The following NCAM2 variants were observed in gnomAD, a reference collection of about 807,000 sequenced individuals.
The protein encoded by NCAM2 is N-CAM-2.
Under a neutral mutation model 98.1 loss-of-function variants are expected in NCAM2, and 30 were observed. That is an observed-to-expected ratio of 0.31 (90% confidence interval 0.23 to 0.41). NCAM2 has a LOEUF of 0.41. Among genes scored for constraint, NCAM2 ranks in the 10% least tolerant of loss-of-function variants. NCAM2 has a pLI of 1.00. For missense variants in NCAM2, 867 were observed against 1,005.8 expected (o/e 0.86, Z 1.87); for synonymous variants, 368 against 342.4 (o/e 1.07, Z -0.83).
At chr21:21,374,129 G>T in intron 9 of NCAM2, 116 bp downstream of exon 9, 1 of 890,816 alleles carries the variant, frequency 1.1e-6, no homozygotes, top group South Asian at 2.0e-5. Context: ...TTAATGCATA[G>T]CTTTAGAGGA....
rs138070506 is a variant in NCAM2 at position 21,104,207 on chromosome 21, T to C, written c.55+105589T>C. Among the ~76,000 whole-genome samples, 610 of 152,256 alleles carry C rather than the reference T, an allele frequency of 4.0e-3. 6 individuals are homozygous for C. Among genetic ancestry groups the C allele is most frequent in the African/African-American group, 0.014 (570 of 41,560 alleles). ...TGACATGTTATCTTTTCAGTAAATG[T>C]TGTCCTCCCTTCTCCTCCTCCTCAC... On this transcript the variant is annotated intron_variant, in intron 1 of 17. Coordinates refer to ENST00000400546, the MANE Select transcript of NCAM2 (RefSeq NM_004540.5).
At chr21:21,041,045 G>C (rs1002495210) in intron 1 of NCAM2, among the ~76,000 whole-genome samples, 2 of 151,782 alleles carry the variant, frequency 1.3e-5, no homozygotes, top group African/African-American at 4.8e-5. Context: ...CCATAAATAT[G>C]GACAATTATT....
At position 21,150,346 on chromosome 21, in the gene NCAM2, C is replaced by G. The variant is rs76745049; in HGVS notation, c.56-130232C>G. 6.9e-3 allele frequency among the ~76,000 whole-genome samples: 1,052 copies of G among 151,956 alleles called. 7 individuals are homozygous for G. Among genetic ancestry groups the G allele is most frequent in the East Asian group, 0.04 (208 of 5,168 alleles). On this transcript the variant is annotated intron_variant, in intron 1 of 17. Coordinates refer to ENST00000400546, the MANE Select transcript of NCAM2 (RefSeq NM_004540.5). ...TATACTTTTTTCTTTGTTTTCTTGC[C>G]TAGTCTGCTGCCTAGGGATTCCAGA...
At chr21:21,000,336 C>T (rs1277060590) in intron 1 of NCAM2, among the ~76,000 whole-genome samples, 1 of 152,102 alleles carries the variant, frequency 6.6e-6, no homozygotes, top group Admixed American at 6.5e-5. Flanking sequence ...TTTATGCAGA[C>T]TTAGGATTAC....
At chr21:21,096,674 T>G (rs918886959) in intron 1 of NCAM2, among the ~76,000 whole-genome samples, 1 of 151,782 alleles carries the variant, frequency 6.6e-6, no homozygotes, top group African/African-American at 2.4e-5. Flanking sequence ...TTTCTAAGTT[T>G]GGATCAGCTT....
At chr21:21,244,415 C>A (rs1344415764) in intron 1 of NCAM2, among the ~76,000 whole-genome samples, 1 of 152,068 alleles carries the variant, frequency 6.6e-6, no homozygotes, top group Admixed American at 6.5e-5. Flanking sequence ...TACCTTGGTG[C>A]CTTTCCTTCT....
chr21:21,349,303 A>G (rs900859370), intron 8 of NCAM2, among the ~76,000 whole-genome samples: 11 of 152,162 alleles, frequency 7.2e-5, no homozygotes, highest in African/African-American at 2.7e-4. Flanking sequence ...AAGATACACA[A>G]ATGGCAAACA....
At chr21:21,233,462 T>C (rs1026578774) in intron 1 of NCAM2, among the ~76,000 whole-genome samples, 1 of 151,700 alleles carries the variant, frequency 6.6e-6, no homozygotes, top group African/African-American at 2.4e-5. Flanking sequence ...AATAGAGTAT[T>C]TTTAATTTGA....
At chr21:21,253,223 T>C (rs558987707) in intron 1 of NCAM2, among the ~76,000 whole-genome samples, 4 of 152,314 alleles carry the variant, frequency 2.6e-5, no homozygotes, top group South Asian at 4.1e-4. Context: ...ATGTTTCAAG[T>C]TTCCTACGAA....
intron 15 of NCAM2, among the ~76,000 whole-genome samples, chr21:21,499,854 A>C (rs948602077): frequency 1.3e-5 from 2 of 152,194 alleles, no homozygotes; most frequent in African/African-American, 4.8e-5. Context: ...TATTATTTAG[A>C]TATTTCCAAT....
chr21:21,264,990 G>GTATATATACACATACACATATATAATA (rs1203072126), intron 1 of NCAM2, among the ~76,000 whole-genome samples: 1 of 81,758 alleles, frequency 1.2e-5, no homozygotes, highest in Non-Finnish European at 2.4e-5. Flanking sequence ...TTATATATGT[G>GTATATATACACATACACATATATAATA]TATGTGTATA....
At chr21:21,096,081 C>T (rs994102622) in intron 1 of NCAM2, among the ~76,000 whole-genome samples, 2 of 151,610 alleles carry the variant, frequency 1.3e-5, no homozygotes, top group African/African-American at 4.8e-5. Context: ...TTTATTTTGT[C>T]TTTGTCTTTC....
At chr21:21,468,913 C>T (rs1351392029) in intron 14 of NCAM2, 130 bp downstream of exon 14, 1 of 779,270 alleles carries the variant, frequency 1.3e-6, no homozygotes, top group East Asian at 3.0e-5. Context: ...ATCTTCCTTC[C>T]ATTCCTGACA....
At chr21:21,518,428 T>C (rs1463089386) in intron 16 of NCAM2, among the ~76,000 whole-genome samples, 1 of 152,134 alleles carries the variant, frequency 6.6e-6, no homozygotes, top group Non-Finnish European at 1.5e-5. Context: ...ATAAGAGACA[T>C]GGTAAATACA....
intron 9 of NCAM2, among the ~76,000 whole-genome samples, chr21:21,385,069 T>C (rs1324473812): frequency 6.6e-6 from 1 of 152,070 alleles, no homozygotes; most frequent in Non-Finnish European, 1.5e-5. Context: ...TTAATTCCCT[T>C]TATGTGAAGA....
At chr21:21,287,621 G>A (rs1185698669) in intron 4 of NCAM2, among the ~76,000 whole-genome samples, 11 of 151,820 alleles carry the variant, frequency 7.2e-5, no homozygotes, top group Non-Finnish European at 4.4e-5. Flanking sequence ...CTCAAGTGTA[G>A]GTTTATTGTA....
intron 5 of NCAM2, among the ~76,000 whole-genome samples, chr21:21,297,036 A>AT (rs955652153): frequency 1.3e-5 from 2 of 151,880 alleles, no homozygotes; most frequent in Non-Finnish European, 2.9e-5. Flanking sequence ...GCTAAAAAAA[A>AT]GTTAAAGACC....
At chr21:21,027,738 A>T (rs1294994717) in intron 1 of NCAM2, among the ~76,000 whole-genome samples, 1 of 152,148 alleles carries the variant, frequency 6.6e-6, no homozygotes, top group East Asian at 1.9e-4. Flanking sequence ...CCTTTTAATT[A>T]CAGAGCCCAT....
At chr21:21,489,736 A>G (rs201925345) in intron 15 of NCAM2, among the ~76,000 whole-genome samples, 1 of 152,166 alleles carries the variant, frequency 6.6e-6, no homozygotes, top group South Asian at 2.1e-4. Flanking sequence ...AATCTCATAA[A>G]TAGTATTGTT....
Sources: allele counts gnomAD v4.1 joint callset (sites outside exome capture counted in the v4.1 genomes callset), GRCh38; gene constraint gnomAD v4.1.1; transcripts MANE v1.5; gene names NCBI Gene and HGNC (gene_info 2026-07-23, HGNC 2026-07-21).